The following MAP4K1 variants were observed in gnomAD, a reference collection of about 807,000 sequenced individuals.
The protein encoded by MAP4K1 is MAPK/ERK kinase kinase kinase 1.
A neutral mutation model predicts 122.8 loss-of-function variants in MAP4K1; 35 were observed. The observed-to-expected ratio is 0.29, with a 90% CI of 0.22 to 0.38. The LOEUF (loss-of-function observed/expected upper bound fraction) is 0.38. Ranked by LOEUF, MAP4K1 falls within the 10% of genes least tolerant of loss-of-function variation. MAP4K1 has a pLI of 1.00. For synonymous variants in MAP4K1, 412 were observed against 421.3 expected, an observed-to-expected ratio of 0.98 and a Z score of 0.27; for missense variants, 791 against 1,072.6, an observed-to-expected ratio of 0.74 and a Z score of 3.67.
At position 38,605,662 on chromosome 19, in the gene MAP4K1, C is replaced by T. The variant is rs1327717535; in HGVS notation, c.1269G>A (p.Gly423=). The T allele has an allele frequency of 1.9e-5, 31 of 1,605,334 alleles. No individual in the cohort carries two copies. Among genetic ancestry groups the T allele is most frequent in the East Asian group, 6.7e-5 (3 of 44,802 alleles). Residue 423 remains glycine (G), a synonymous_variant, in exon 18 of 31, where the codon GGG becomes GGA. Transcript: ENST00000396857. ...SMGDDGQLSP[G]VLVRCASGPP... is the part of the protein sequence containing the mutation. The stretch of plus-strand genomic sequence containing the variant: ...GCCCACTGGCACACCGGACCAGCAC[C>T]CCCGGGCTCAGCTGCCCATCATCCC...
rs1317125398 is a variant in MAP4K1 at position 38,597,960 on chromosome 19, T to C, written c.1670-366A>G. The stretch of plus-strand genomic sequence containing the variant: ...ATCTTCTAGTTTGTCATCACAGATG[T>C]GGCTTTCACTAACTCATGAATCCCA... On this transcript the variant is annotated intron_variant, in intron 22 of 30. Coordinates refer to ENST00000396857, the MANE Select transcript of MAP4K1 (RefSeq NM_001042600.3). The surrounding 1 kb of genome is among the most constrained non-coding windows in gnomAD (Gnocchi z 4.6). 6.6e-6 allele frequency among the ~76,000 whole-genome samples: 1 copy of C among 152,188 alleles called. No homozygotes were observed. Among genetic ancestry groups the C allele is most frequent in the Non-Finnish European group, 1.5e-5 (1 of 68,050 alleles).
At position 38,597,137 on chromosome 19, in the gene MAP4K1, G is replaced by A. The variant is rs1037000199; in HGVS notation, c.1838C>T (p.Ala613Val). 2.5e-6 allele frequency: 4 copies of A among 1,613,876 alleles called. No homozygotes were observed. Among genetic ancestry groups the A allele is most frequent in the African/African-American group, 2.7e-5 (2 of 74,894 alleles). ...DTKGCRACCV[A>V]EGASSGGPFL... is the part of the protein sequence containing the mutation. Reference sequence around the variant, plus strand: ...CGGGCCCCCAGAGCTCGCACCCTCCGCTGTGGCATGGGCAAGGATGAGTCA... The same window carrying A: ...CGGGCCCCCAGAGCTCGCACCCTCCACTGTGGCATGGGCAAGGATGAGTCA... The change falls in exon 25 of 31, where the codon GCG becomes GTG. Residue 613 changes from alanine (A) to valine (V), a missense_variant and splice_region_variant. Coordinates refer to ENST00000396857, the MANE Select transcript of MAP4K1 (RefSeq NM_001042600.3). This position sits in a 1 kb window ranked among gnomAD's most constrained non-coding sequence, Gnocchi z 4.6.
intron 13 of MAP4K1, among the ~76,000 whole-genome samples, chr19:38,608,799 CAAAAAAAAAAAAAAA>C (rs1031744033): frequency 7.9e-3 from 76 of 9,560 alleles, no homozygotes; most frequent in East Asian, 0.075. Context: ...AACTCCGTCT[CAAAAAAAAAAAAAAA>C]AAAAAAAAAA....
intron 8 of MAP4K1, among the ~76,000 whole-genome samples, chr19:38,613,393 T>G (rs953563958): frequency 1.4e-5 from 2 of 145,144 alleles, no homozygotes; most frequent in African/African-American, 2.6e-5. Flanking sequence ...GGTGTCATGG[T>G]GCACACCTGT....
intron 13 of MAP4K1, among the ~76,000 whole-genome samples, chr19:38,608,809 A>C (rs1229992628): frequency 1.4e-5 from 2 of 146,532 alleles, no homozygotes; most frequent in African/African-American, 5.0e-5. Context: ...CAAAAAAAAA[A>C]AAAAAAAAAA....
Position 38,609,897 on chromosome 19 carries a change from C to A in MAP4K1, c.927+12G>T, listed in dbSNP as rs376905266. On this transcript the variant is annotated intron_variant, in intron 12 of 30. Transcript: ENST00000396857. The stretch of plus-strand genomic sequence containing the variant: ...AGAGGTCCCCAGTGCTCTTGTCAGC[C>A]AAGGCTCTCACCTCGGGCTCCTCAT... 1.4e-5 allele frequency: 23 copies of A among 1,609,494 alleles called. No individual in the cohort carries two copies. The highest frequency in any genetic ancestry group is 5.0e-5 in the Admixed American group (3 of 60,012).
chr19:38,612,522 G>C, intron 9 of MAP4K1, 89 bp downstream of exon 9: 1 of 1,344,990 alleles, frequency 7.4e-7, no homozygotes, highest in South Asian at 1.5e-5. Flanking sequence ...TGAATTGGAG[G>C]TTCCTGGGAT....
intron 14 of MAP4K1, 35 bp from the exon 15 acceptor site, chr19:38,608,068 G>A (rs755486965): frequency 2.5e-6 from 4 of 1,571,880 alleles, no homozygotes; most frequent in Non-Finnish European, 3.5e-6. Context: ...AGTGGCCTCA[G>A]GGAAGCAGGC....
At position 38,617,553 on chromosome 19, in the gene MAP4K1, A is replaced by G; in HGVS notation, c.157+15T>C. The G allele has an allele frequency of 6.2e-7, 1 of 1,613,890 alleles. No homozygotes were observed. The highest frequency in any genetic ancestry group is 8.5e-7 in the Non-Finnish European group (1 of 1,179,840). Reference sequence around the variant, plus strand: ...GGTGGGGATGTGGGGAAGGAGCTCCATGTTCCCTCCTCACCAGGCTCCATC... The same window carrying G: ...GGTGGGGATGTGGGGAAGGAGCTCCGTGTTCCCTCCTCACCAGGCTCCATC... On this transcript the variant is annotated intron_variant, in intron 2 of 30. Transcript: ENST00000396857. The surrounding 1 kb of genome is among the most constrained non-coding windows in gnomAD (Gnocchi z 4.1).
chr19:38,603,433 CACAT>C lies in MAP4K1; in HGVS notation c.1447-1912_1447-1909del, dbSNP rs1300891632. Among the ~76,000 whole-genome samples the C allele has an allele frequency of 2.1e-4, 31 of 151,190 alleles. 1 individual carries two copies. In the East Asian group the frequency reaches 5.4e-3, roughly 27 times the overall value. ...ATATATACACGTATACATATATACACACATATACATGTATATGTGTGTGTATATA... is the reference window on the plus strand; with the variant it reads ...ATATATACACGTATACATATATACACATACATGTATATGTGTGTGTATATA... On this transcript the variant is annotated intron_variant, in intron 19 of 30. Coordinates refer to ENST00000396857, the MANE Select transcript of MAP4K1 (RefSeq NM_001042600.3).
chr19:38,601,616 G>A, intron 19 of MAP4K1, 91 bp from the exon 20 acceptor site: 1 of 919,828 alleles, frequency 1.1e-6, no homozygotes, highest in Non-Finnish European at 1.7e-6. Flanking sequence ...GAGCGAGAGT[G>A]CCAAGGTTCA....
chr19:38,601,049 G>T (rs943567148), intron 20 of MAP4K1, among the ~76,000 whole-genome samples: 1 of 150,504 alleles, frequency 6.6e-6, no homozygotes, highest in African/African-American at 2.5e-5. Flanking sequence ...CAAATGATCC[G>T]CCCGCCTCCG....
intron 26 of MAP4K1, 111 bp downstream of exon 26, chr19:38,596,201 T>G: frequency 7.1e-7 from 1 of 1,414,314 alleles, no homozygotes; most frequent in Non-Finnish European, 9.5e-7. Context: ...TCTCCGCCCT[T>G]CCAGCCCTTT....
chr19:38,608,988 TAAAC>T (rs1045985194), intron 13 of MAP4K1, among the ~76,000 whole-genome samples: 8 of 151,654 alleles, frequency 5.3e-5, no homozygotes, highest in East Asian at 1.9e-4. Context: ...CACAAAAAAA[TAAAC>T]AAATAAATAA....
Position 38,617,303 on chromosome 19 carries a change from C to T in MAP4K1, c.248+51G>A. On this transcript the variant is annotated intron_variant, in intron 3 of 30. Coordinates refer to ENST00000396857, the MANE Select transcript of MAP4K1 (RefSeq NM_001042600.3). The surrounding 1 kb of genome is among the most constrained non-coding windows in gnomAD (Gnocchi z 4.1). ...GGGTACCCCCATCAAGAAATGGGGACTCCGGGTTAGGGGCTGGGCTGGGTG... is the reference window on the plus strand; with the variant it reads ...GGGTACCCCCATCAAGAAATGGGGATTCCGGGTTAGGGGCTGGGCTGGGTG... 7.7e-7 allele frequency: 1 copy of T among 1,297,862 alleles called. No homozygotes were observed. 80.4% of individuals were successfully genotyped at this position (1,297,862 alleles called of 1,614,324 possible).
chr19:38,592,917 C>CAATAAATAAATAAATAAATAAATAAATA (rs144296421), intron 30 of MAP4K1, among the ~76,000 whole-genome samples: 3 of 151,146 alleles, frequency 2.0e-5, no homozygotes, highest in African/African-American at 7.3e-5. Flanking sequence ...AACTCCATCT[C>CAATAAATAAATAAATAAATAAATAAATA]AATAAATAAA....
chr19:38,613,127 G>A (rs1022497988), intron 8 of MAP4K1, among the ~76,000 whole-genome samples: 12 of 151,986 alleles, frequency 7.9e-5, no homozygotes, highest in Non-Finnish European at 1.3e-4. Context: ...GACCAACATG[G>A]TGAAAGCCCG....
rs774061852 is a variant in MAP4K1, at chr19:38,605,615, G to C, written c.1316C>G (p.Pro439Arg). The stretch of plus-strand genomic sequence containing the variant: ...GCTGCTGGTGGATGGGGGAGGCCCA[G>C]GACGGGGGCTGTTTGGTGGGGGCCC... ...ASGPPPNSPR[P>R]GPPPSTSSPH... Residue 439 changes from proline to arginine, a missense_variant, in exon 18 of 31, where the codon CCT (proline) becomes CGT (arginine). Physicochemically the swap from Pro to Arg is moderately radical, Grantham distance 103 (BLOSUM62 -2). This residue lies in a region of MAP4K1 where 303 missense variants were observed against 344.8 expected (regional missense o/e 0.88). Coordinates refer to ENST00000396857, the MANE Select transcript of MAP4K1 (RefSeq NM_001042600.3). 1 of 1,572,850 alleles carries C rather than the reference G, an allele frequency of 6.4e-7. No individual in the cohort carries two copies. The highest frequency in any genetic ancestry group is 8.6e-7 in the Non-Finnish European group (1 of 1,160,598).
At position 38,587,749 on chromosome 19, in the gene MAP4K1, CA is replaced by C. The variant is rs1201008435; in HGVS notation, c.2464del (p.Ter822GlufsTer17). The C allele has an allele frequency of 6.2e-7, 1 of 1,613,478 alleles. No homozygotes were observed. Among genetic ancestry groups the C allele is most frequent in the Non-Finnish European group, 8.5e-7 (1 of 1,179,544 alleles). ...TAPSNLYIQE[*>X] ...AGTTCCTGACACCCCCCTAGGGACTCATTCCTGGATGTAGAGGTTGCTGGGA... is the reference window on the plus strand; with the variant it reads ...AGTTCCTGACACCCCCCTAGGGACTCTTCCTGGATGTAGAGGTTGCTGGGA... On this transcript the variant is annotated frameshift_variant and stop_lost, in exon 31 of 31. Coordinates refer to ENST00000396857, the MANE Select transcript of MAP4K1 (RefSeq NM_001042600.3). LOFTEE classifies it high-confidence loss of function.
Sources: allele counts gnomAD v4.1 joint callset (sites outside exome capture counted in the v4.1 genomes callset), GRCh38; gene constraint gnomAD v4.1.1; regional missense constraint gnomAD v4.1.1; non-coding constraint Gnocchi (gnomAD v3.1); transcripts MANE v1.5; gene names NCBI Gene and HGNC (gene_info 2026-07-23, HGNC 2026-07-21).